Variants in PRR5L observed in about 807,000 individuals in gnomAD.
PRR5L encodes proline-rich protein 5-like.
In PRR5L, 21 loss-of-function variants were observed where a neutral mutation model predicts 36.4. The ratio of observed to expected loss-of-function variants is 0.58; its 90% CI spans 0.41 to 0.83. The LOEUF (loss-of-function observed/expected upper bound fraction) is 0.83, where lower values mean the gene tolerates loss of function less well. Among genes scored for constraint, PRR5L ranks in the 40% least tolerant of loss-of-function variants. PRR5L has a pLI of 0.00. For synonymous variants in PRR5L, 188 were observed against 197.0 expected, an observed-to-expected ratio of 0.95 and a Z score of 0.38; for missense variants, 381 against 473.3, an observed-to-expected ratio of 0.80 and a Z score of 1.81.
At chr11:36,449,243 T>C (rs1295303533) in intron 7 of PRR5L, among the ~76,000 whole-genome samples, 1 of 152,222 alleles carries the variant, frequency 6.6e-6, no homozygotes, top group East Asian at 1.9e-4. Flanking sequence ...CCTGGGGCCA[T>C]ATCTGCTACA....
chr11:36,440,575 A>G (rs1328541521), intron 6 of PRR5L, among the ~76,000 whole-genome samples: 1 of 152,180 alleles, frequency 6.6e-6, no homozygotes, highest in East Asian at 1.9e-4. Context: ...TGGGGAAGAA[A>G]TGAGGGAGGG....
At chr11:36,383,955 C>A (rs1026955469) in intron 1 of PRR5L, among the ~76,000 whole-genome samples, 2 of 152,062 alleles carry the variant, frequency 1.3e-5, no homozygotes, top group Admixed American at 1.3e-4. Flanking sequence ...CTCGGCCTCC[C>A]CTGTCTTTTT....
At chr11:36,412,734 A>C (rs1039980104) in intron 3 of PRR5L, among the ~76,000 whole-genome samples, 2 of 152,080 alleles carry the variant, frequency 1.3e-5, no homozygotes, top group African/African-American at 4.8e-5. Context: ...TAATGCCTTG[A>C]TATTTTTTAC....
chr11:36,429,671 A>G (rs1428410500), intron 4 of PRR5L, among the ~76,000 whole-genome samples: 2 of 152,182 alleles, frequency 1.3e-5, no homozygotes, highest in Non-Finnish European at 2.9e-5. Context: ...TTGACACTAG[A>G]TGTGCTGAGA....
In PRR5L at chr11:36,457,101, C is replaced by T. The variant is rs1859075757; in HGVS notation, c.713-5241C>T. Among the ~76,000 whole-genome samples, 5 of 152,312 alleles carry T rather than the reference C, an allele frequency of 3.3e-5. No individual in the cohort carries two copies. The South Asian group carries it at 8.3e-4, about 25-fold the overall frequency. Reference sequence around the variant, plus strand: ...CCTGGCTCATCCCAGTGGGCTGGGACCTGCGGAAATCATCTGACGAATTCT... The same window carrying T: ...CCTGGCTCATCCCAGTGGGCTGGGATCTGCGGAAATCATCTGACGAATTCT... On this transcript the variant is annotated intron_variant, in intron 8 of 8. Transcript: ENST00000530639.
At chr11:36,365,437 A>G (rs1472537442) in intron 1 of PRR5L, among the ~76,000 whole-genome samples, 4 of 152,198 alleles carry the variant, frequency 2.6e-5, no homozygotes, top group African/African-American at 7.2e-5. Context: ...ACATTTCCCA[A>G]TTATATCCTG....
At chr11:36,427,336 T>C (rs936616306) in intron 4 of PRR5L, among the ~76,000 whole-genome samples, 6 of 152,058 alleles carry the variant, frequency 3.9e-5, no homozygotes, top group African/African-American at 7.2e-5. Flanking sequence ...AAGTCCCAAG[T>C]TGCTTCCTGG....
intron 3 of PRR5L, among the ~76,000 whole-genome samples, chr11:36,407,832 C>A (rs559901911): frequency 3.3e-5 from 5 of 152,274 alleles, no homozygotes; most frequent in African/African-American, 1.2e-4. Context: ...GTGGCCTTTC[C>A]ATTTAAGACA....
chr11:36,460,607 A>C (rs1224439263), intron 8 of PRR5L, among the ~76,000 whole-genome samples: 2 of 151,938 alleles, frequency 1.3e-5, no homozygotes, highest in Admixed American at 6.6e-5. Flanking sequence ...CTTTTTTCAC[A>C]TGCGATCCCT....
chr11:36,371,035 G>A (rs1471583770), intron 1 of PRR5L, among the ~76,000 whole-genome samples: 5 of 151,956 alleles, frequency 3.3e-5, no homozygotes, highest in East Asian at 1.9e-4. Context: ...AATTCACTAC[G>A]AGCCACTTTA....
chr11:36,399,643 T>A (rs1857747863), intron 1 of PRR5L, among the ~76,000 whole-genome samples: 2 of 152,242 alleles, frequency 1.3e-5, no homozygotes, highest in African/African-American at 4.8e-5. Context: ...GTGAGAGAGA[T>A]GGCAGTGAAA....
chr11:36,418,086 G>A (rs1171239391), intron 3 of PRR5L, among the ~76,000 whole-genome samples: 1 of 152,180 alleles, frequency 6.6e-6, no homozygotes, highest in Admixed American at 6.5e-5. Flanking sequence ...AAATCATCTT[G>A]TGAGTATATT....
At chr11:36,451,815 G>A (rs2133625554) in intron 8 of PRR5L, among the ~76,000 whole-genome samples, 1 of 152,224 alleles carries the variant, frequency 6.6e-6, no homozygotes, top group African/African-American at 2.4e-5. Context: ...ATTTCTGTAG[G>A]TACCACCACA....
intron 1 of PRR5L, among the ~76,000 whole-genome samples, chr11:36,378,368 G>A (rs1204279648): frequency 1.3e-5 from 2 of 152,104 alleles, no homozygotes; most frequent in Admixed American, 6.6e-5. Flanking sequence ...TGTTTAGAGC[G>A]GTTTCTGTAG....
At chr11:36,442,586 C>T (rs571825526) in intron 6 of PRR5L, among the ~76,000 whole-genome samples, 17 of 152,256 alleles carry the variant, frequency 1.1e-4, no homozygotes, top group Admixed American at 5.9e-4. Context: ...GTGATCCACC[C>T]GCCTTGGCCT....
chr11:36,321,481 A>C (rs922368427), intron 1 of PRR5L: 1 of 152,282 alleles, frequency 6.6e-6, no homozygotes, highest in Non-Finnish European at 1.5e-5. Flanking sequence ...AATCCACTGC[A>C]GAAAGAAATT....
At chr11:36,444,077 C>T (rs1858778601) in intron 6 of PRR5L, among the ~76,000 whole-genome samples, 1 of 152,288 alleles carries the variant, frequency 6.6e-6, no homozygotes, top group Middle Eastern at 3.4e-3. Context: ...CCCAACGTGG[C>T]ATGGATAAAT....
chr11:36,385,829 C>G (rs1432900815), intron 1 of PRR5L, among the ~76,000 whole-genome samples: 1 of 152,242 alleles, frequency 6.6e-6, no homozygotes, highest in African/African-American at 2.4e-5. Flanking sequence ...CTCCACTGAC[C>G]AGCAAACAGA....
chr11:36,309,786 T>C (rs571292466), intron 1 of PRR5L, among the ~76,000 whole-genome samples: 5 of 152,136 alleles, frequency 3.3e-5, no homozygotes, highest in African/African-American at 1.2e-4. Flanking sequence ...TTGGCACACT[T>C]CTCAGATTAA....
Sources: allele counts gnomAD v4.1 joint callset (sites outside exome capture counted in the v4.1 genomes callset), GRCh38; gene constraint gnomAD v4.1.1; transcripts MANE v1.5; gene names NCBI Gene and HGNC (gene_info 2026-07-23, HGNC 2026-07-21).